The following CABP2 variants were observed in gnomAD, a reference collection of about 807,000 sequenced individuals.
The protein encoded by CABP2 is calcium binding protein 2.
Under a neutral mutation model 28.6 loss-of-function variants are expected in CABP2, and 25 were observed. The observed-to-expected ratio is 0.87, with a 90% CI of 0.64 to 1.22. The LOEUF (loss-of-function observed/expected upper bound fraction) is 1.22, where lower values mean the gene tolerates loss of function less well. Ranked by LOEUF, CABP2 falls within the 50% of genes most tolerant of loss-of-function variation. CABP2 has a pLI of 0.00. For synonymous variants in CABP2, 138 were observed against 126.0 expected (o/e 1.09, Z -0.64); for missense variants, 310 against 312.2 (o/e 0.99, Z 0.05).
chr11:67,520,499 A>T (rs1866731706), intron 4 of CABP2, among the ~76,000 whole-genome samples: 1 of 152,020 alleles, frequency 6.6e-6, no homozygotes, highest in South Asian at 2.1e-4. Context: ...CTCCACTAAA[A>T]ATACAAAAAT....
At chr11:67,519,963 G>A (rs762699596) in intron 5 of CABP2, 23 bp from the exon 6 acceptor site, 4 of 1,600,548 alleles carry the variant, frequency 2.5e-6, no homozygotes, top group South Asian at 1.1e-5. Flanking sequence ...TGGTTGTGGC[G>A]TCTGGTCACT....
rs1320588437 is a variant in CABP2 at position 67,519,937 on chromosome 11, C to T, written c.493G>A (p.Asp165Asn). The T allele has an allele frequency of 5.6e-6, 9 of 1,605,920 alleles. No homozygotes were observed. The highest frequency in any genetic ancestry group is 6.8e-6 in the Non-Finnish European group (8 of 1,177,880). ...RELRDAFREFDTNGDGRISVG... is the reference protein window; with the variant it reads ...RELRDAFREFNTNGDGRISVG... ...CTGATGCGGCCGTCCCCATTGGTGT[C>T]GAACTGTGGCGGCGTTGGTTGTGGC... Residue 165 changes from aspartate to asparagine, a missense_variant, in exon 6 of 7, where the codon GAC (aspartate) becomes AAC (asparagine). Transcript: ENST00000294288.
At chr11:67,522,080 A>C in intron 2 of CABP2, 98 bp from the exon 3 acceptor site, 5 of 1,020,148 alleles carry the variant, frequency 4.9e-6, no homozygotes, top group African/African-American at 1.6e-5. Context: ...CCACAATCCA[A>C]CACGCACACG....
intron 6 of CABP2, 29 bp from the exon 7 acceptor site, chr11:67,519,193 C>T (rs968099881): frequency 1.2e-6 from 2 of 1,613,720 alleles, no homozygotes; most frequent in Non-Finnish European, 1.7e-6. Flanking sequence ...GGTTTTGGGT[C>T]TGTTCTCTGG....
Position 67,523,274 on chromosome 11 carries a change from A to G in CABP2, c.42+11T>C. 1 of 1,549,056 alleles carries G rather than the reference A, an allele frequency of 6.5e-7. No individual in the cohort carries two copies. The highest frequency in any genetic ancestry group is 8.7e-7 in the Non-Finnish European group (1 of 1,143,668). On this transcript the variant is annotated intron_variant, in intron 1 of 6. Transcript: ENST00000294288. ...CCTCCTGGCCTGGGTTTCTCCCCTG[A>G]CCCCTCCTACCTTAGGGCCCCGGCG...
intron 4 of CABP2, 113 bp from the exon 5 acceptor site, chr11:67,520,273 C>T (rs943404284): frequency 7.5e-6 from 5 of 667,918 alleles, no homozygotes; most frequent in Non-Finnish European, 1.3e-5. Flanking sequence ...CCTCCCTCTG[C>T]GCCAGAAGCC....
chr11:67,520,460 C>G (rs1866731214), intron 4 of CABP2, among the ~76,000 whole-genome samples: 1 of 152,046 alleles, frequency 6.6e-6, no homozygotes, highest in Non-Finnish European at 1.5e-5. Flanking sequence ...GAGTTCGAGA[C>G]CAGCCTGACT....
At chr11:67,519,685 G>T in intron 6 of CABP2, 108 bp downstream of exon 6, 3 of 1,008,462 alleles carry the variant, frequency 3.0e-6, no homozygotes, top group East Asian at 2.4e-5. Flanking sequence ...GAGAGGACAT[G>T]GGAGTGCGTG....
At position 67,520,057 on chromosome 11, in the gene CABP2, G is replaced by A. The variant is rs543555075; in HGVS notation, c.483C>T (p.Phe161=). 4 of 1,612,306 alleles carry A rather than the reference G, an allele frequency of 2.5e-6. No homozygotes were observed. In the African/African-American group the frequency reaches 5.3e-5, roughly 21 times the overall value. Reference sequence around the variant, plus strand: ...TCAGCCCCAGTGGCCGCACCTCCCGGAAGGCGTCCCGTAGCTCCCGGACAC... The same window carrying A: ...TCAGCCCCAGTGGCCGCACCTCCCGAAAGGCGTCCCGTAGCTCCCGGACAC... ...MIGVRELRDA[F]REFDTNGDGR... The change falls in exon 5 of 7, where the codon TTC becomes TTT. Residue 161 remains phenylalanine (F), a synonymous_variant. Coordinates refer to ENST00000294288, the MANE Select transcript of CABP2 (RefSeq NM_016366.3).
chr11:67,520,148 A>T lies in CABP2; in HGVS notation c.392T>A (p.Val131Glu). The T allele has an allele frequency of 6.2e-7, 1 of 1,612,726 alleles. No individual in the cohort carries two copies. The highest frequency in any genetic ancestry group is 8.5e-7 in the Non-Finnish European group (1 of 1,179,210). The change falls in exon 5 of 7, where the codon GTG becomes GAG. Residue 131 changes from valine to glutamate, a missense_variant. Transcript: ENST00000294288. Reference protein sequence around the residue: ...EISQQISGGKVDFEDFVELMG... With the variant: ...EISQQISGGKEDFEDFVELMG... ...CAGCTCCACGAAGTCTTCAAAGTCC[A>T]CCTTTCCGCCACCTGGGGGTCCCGT...
intron 1 of CABP2, 110 bp from the exon 2 acceptor site, chr11:67,522,826 C>T (rs2134363468): frequency 9.7e-7 from 1 of 1,035,346 alleles, no homozygotes. Context: ...CGGCATGGGA[C>T]AGTAGGGAAG....
rs1591077318 is a variant in CABP2, at chr11:67,518,969, T to G, written c.*170A>C. ...AGAGACAGAGACAAGGCCAGGCGGCTTTATTGGAGAAGTGGTGGTGGGGGT... is the reference window on the plus strand; with the variant it reads ...AGAGACAGAGACAAGGCCAGGCGGCGTTATTGGAGAAGTGGTGGTGGGGGT... On this transcript the variant is annotated 3_prime_UTR_variant, in exon 7 of 7. Transcript: ENST00000294288. 3 of 651,248 alleles carry G rather than the reference T, an allele frequency of 4.6e-6. No individual in the cohort carries two copies. Among genetic ancestry groups the G allele is most frequent in the Non-Finnish European group, 5.5e-6 (2 of 362,978 alleles). 40.3% of individuals were successfully genotyped at this position (651,248 alleles called of 1,614,324 possible).
intron 2 of CABP2, 62 bp downstream of exon 2, chr11:67,522,484 C>A: frequency 6.6e-7 from 1 of 1,522,328 alleles, no homozygotes; most frequent in Non-Finnish European, 8.9e-7. Flanking sequence ...GGGGCAAGGG[C>A]AGGTGAGCTG....
Position 67,522,418 on chromosome 11 carries a change from C to T in CABP2, c.213+128G>A, listed in dbSNP as rs191644585. The stretch of plus-strand genomic sequence containing the variant: ...CTGATGTCCCCACTCAATCCTCTTC[C>T]CCCTAGCTCCAGGAGAGGCAAAGCG... On this transcript the variant is annotated intron_variant, in intron 2 of 6. Transcript: ENST00000294288. 1,067 of 956,250 alleles carry T rather than the reference C, an allele frequency of 1.1e-3. 4 individuals carry two copies. The highest frequency in any genetic ancestry group is 1.5e-3 in the Non-Finnish European group (910 of 626,644). 59.2% of individuals were successfully genotyped at this position (956,250 alleles called of 1,614,324 possible).
chr11:67,519,220 G>C, intron 6 of CABP2, 56 bp from the exon 7 acceptor site: 1 of 1,598,354 alleles, frequency 6.3e-7, no homozygotes, highest in Non-Finnish European at 8.6e-7. Flanking sequence ...CTAGGAGTGA[G>C]GATCATCTGC....
rs910286776 is a variant in CABP2, at chr11:67,521,172, G to A, written c.245-13C>T. On this transcript the variant is annotated splice_polypyrimidine_tract_variant and intron_variant, in intron 3 of 6. Coordinates refer to ENST00000294288, the MANE Select transcript of CABP2 (RefSeq NM_016366.3). ...GCGACCTGCAGCTCTGCCAGGCAGG[G>A]TGGGGTCAGTCCTTCCCCCACAACC... 8.7e-6 allele frequency: 14 copies of A among 1,609,840 alleles called. No individual in the cohort carries two copies. The highest frequency in any genetic ancestry group is 1.2e-5 in the Non-Finnish European group (14 of 1,179,574).
In CABP2 at chr11:67,523,299, G is replaced by A. The variant is rs759048141; in HGVS notation, c.28C>T (p.Arg10Cys). 16 of 1,555,358 alleles carry A rather than the reference G, an allele frequency of 1.0e-5. No individual in the cohort carries two copies. Among genetic ancestry groups the A allele is most frequent in the Middle Eastern group, 3.5e-4 (2 of 5,742 alleles). MGNCAKRPW[R>C]RGPKDPLQWL... ...ACCCCTCCTACCTTAGGGCCCCGGCGCCAGGGCCGCTTGGCACAGTTCCCC... is the reference window on the plus strand; with the variant it reads ...ACCCCTCCTACCTTAGGGCCCCGGCACCAGGGCCGCTTGGCACAGTTCCCC... Residue 10 changes from arginine (R) to cysteine (C), a missense_variant, in exon 1 of 7, where the codon CGC becomes TGC. Coordinates refer to ENST00000294288, the MANE Select transcript of CABP2 (RefSeq NM_016366.3).
chr11:67,522,692 G>A lies in CABP2; in HGVS notation c.67C>T (p.Pro23Ser). 1 of 1,516,990 alleles carries A rather than the reference G, an allele frequency of 6.6e-7. No individual in the cohort carries two copies. Among genetic ancestry groups the A allele is most frequent in the South Asian group, 1.2e-5 (1 of 80,322 alleles). 94.0% of individuals were successfully genotyped at this position (1,516,990 alleles called of 1,614,324 possible). ...GGGCTGGGGCAGGAGCCCCTTGGTG[G>A]GGAGCCGAGCCACTGCAAGGGGTCC... The part of the protein sequence containing the change: ...PKDPLQWLGS[P>S]PRGSCPSPSS... Residue 23 changes from proline to serine, a missense_variant, in exon 2 of 7, where the codon CCA becomes TCA. By Grantham distance (74) the Pro-to-Ser change is moderately conservative. Coordinates refer to ENST00000294288, the MANE Select transcript of CABP2 (RefSeq NM_016366.3).
intron 6 of CABP2, 95 bp from the exon 7 acceptor site, chr11:67,519,259 G>T: frequency 8.0e-7 from 1 of 1,251,206 alleles, no homozygotes; most frequent in Non-Finnish European, 1.2e-6. Flanking sequence ...GAGTGTGGTT[G>T]AGGGGAGGGT....
Sources: gnomAD v4.1 joint callset for allele counts (sites outside exome capture counted in the v4.1 genomes callset) on GRCh38, gnomAD v4.1.1 for gene constraint, MANE v1.5 for transcripts, NCBI Gene and HGNC (gene_info 2026-07-23, HGNC 2026-07-21) for gene names.